The following RELL1 variants were observed in gnomAD, a reference collection of about 807,000 sequenced individuals.
RELL1 encodes the protein RELT like 1, also known as RELT-like protein 1.
RELL1 carries 10 observed loss-of-function variants against 23.0 expected under a neutral mutation model. The observed-to-expected ratio is 0.43, with a 90% CI of 0.27 to 0.74. RELL1 has a LOEUF of 0.74. RELL1 is among the 30% of genes least tolerant of loss of function. The probability of loss-of-function intolerance (pLI) is 0.19; values close to 1 mark genes in which losing one functional copy is unlikely to be tolerated. For missense variants in RELL1, 315 were observed against 364.4 expected (o/e 0.86, Z 1.10); for synonymous variants, 146 against 146.8 (o/e 0.99, Z 0.04).
intron 1 of RELL1, 49 bp downstream of exon 1, chr4:37,686,151 C>T: frequency 6.7e-7 from 1 of 1,493,800 alleles, no homozygotes; most frequent in Non-Finnish European, 9.0e-7. Flanking sequence ...TTCCGCGCTC[C>T]CGGGACCGGG....
rs769986626 is a variant in RELL1 at position 37,649,376 on chromosome 4, A to G, written c.213T>C (p.Gly71=). 6.2e-7 allele frequency: 1 copy of G among 1,614,206 alleles called. No homozygotes were observed. Among genetic ancestry groups the G allele is most frequent in the South Asian group, 1.1e-5 (1 of 91,084 alleles). ...GGTGGCAAATGAGGACGCCAAAGAGACCCATGATAAAGAACACAGGGACAA... is the reference window on the plus strand; with the variant it reads ...GGTGGCAAATGAGGACGCCAAAGAGGCCCATGATAAAGAACACAGGGACAA... ...YALVPVFFIM[G]LFGVLICHLL... is the part of the protein sequence containing the mutation. Residue 71 remains glycine, a synonymous_variant, in exon 2 of 7, where the codon GGT becomes GGC. Transcript: ENST00000454158.
intron 1 of RELL1, among the ~76,000 whole-genome samples, chr4:37,678,364 T>C (rs901568030): frequency 1.3e-5 from 2 of 152,226 alleles, no homozygotes; most frequent in Non-Finnish European, 1.5e-5. Context: ...GGGACAAATA[T>C]ACAGACTATA....
chr4:37,588,633 T>G (rs1331814991), downstream of RELL1: 3 of 516,074 alleles, frequency 5.8e-6, no homozygotes, highest in Non-Finnish European at 1.0e-5. Context: ...CAGAGGCAAG[T>G]GTCAGTGAAC....
intron 3 of RELL1, among the ~76,000 whole-genome samples, chr4:37,646,939 G>A (rs1413325402): frequency 6.6e-6 from 1 of 152,036 alleles, no homozygotes; most frequent in East Asian, 1.9e-4. Flanking sequence ...TGCCCAGGCT[G>A]GTCTTGAACT....
Position 37,590,930 on chromosome 4 carries a change from C to T in RELL1, c.*291G>A, listed in dbSNP as rs1268768457. ...GATGGGGAGATTGTGGACGAGGATG[C>T]AGCGGTGGCGGAGGCCCTTGCAGCT... On this transcript the variant is annotated 3_prime_UTR_variant, in exon 7 of 7. Coordinates refer to the RELL1 transcript ENST00000314117. 3.1e-6 allele frequency: 5 copies of T among 1,614,176 alleles called. No homozygotes were observed. In the South Asian group the frequency reaches 4.4e-5, roughly 14 times the overall value.
chr4:37,668,166 C>A (rs1452676794), intron 1 of RELL1, among the ~76,000 whole-genome samples: 1 of 151,738 alleles, frequency 6.6e-6, no homozygotes, highest in African/African-American at 2.4e-5. Context: ...AAATGTTTTT[C>A]AAAAAAGGGA....
At chr4:37,664,032 T>C (rs1406372383) in intron 1 of RELL1, among the ~76,000 whole-genome samples, 3 of 152,198 alleles carry the variant, frequency 2.0e-5, no homozygotes, top group African/African-American at 7.2e-5. Flanking sequence ...TGGCTTCATT[T>C]TTTAAAAACC....
rs58334461 is a variant in RELL1 at position 37,611,110 on chromosome 4, A to AAAGAAG, written c.*2235_*2236insCTTCTT. 6.6e-6 allele frequency among the ~76,000 whole-genome samples: 1 copy of AAAGAAG among 152,122 alleles called. No homozygotes were observed. Among genetic ancestry groups the AAAGAAG allele is most frequent in the African/African-American group, 2.4e-5 (1 of 41,390 alleles). ...TGCCTGTTGTATTGCTATTTAAAAA[A>AAAGAAG]AAGTGCTCTGACTTGAATAAGATGG... On this transcript the variant is annotated 3_prime_UTR_variant, in exon 7 of 7. Transcript: ENST00000454158.
chr4:37,615,776 T>C (rs954102701), intron 6 of RELL1, among the ~76,000 whole-genome samples: 8 of 152,154 alleles, frequency 5.3e-5, no homozygotes, highest in African/African-American at 1.7e-4. Context: ...GACTGATGGA[T>C]AAAAATTAAG....
intron 5 of RELL1, among the ~76,000 whole-genome samples, chr4:37,632,871 G>A (rs1720190138): frequency 6.6e-6 from 1 of 152,054 alleles, no homozygotes; most frequent in African/African-American, 2.4e-5. Flanking sequence ...TTCTAGTTCT[G>A]GTCTTAATTT....
At chr4:37,622,724 C>T (rs74357477) in intron 6 of RELL1, 8 of 438,800 alleles carry the variant, frequency 1.8e-5, no homozygotes, top group Non-Finnish European at 3.6e-5. Flanking sequence ...GTATGGTCTT[C>T]ATTGTCTGTC....
At chr4:37,590,527 A>G (rs1171871773), downstream of RELL1, 2 of 1,614,218 alleles carry the variant, frequency 1.2e-6, no homozygotes, top group Non-Finnish European at 8.5e-7. Flanking sequence ...GACCCAAGTC[A>G]TGAGAAATGG....
At chr4:37,596,729 TATATA>T (rs1469357293) in intron 6 of RELL1, among the ~76,000 whole-genome samples, 473 of 21,720 alleles carry the variant, frequency 0.022, 17 homozygotes, top group Non-Finnish European at 0.039. Flanking sequence ...TATATATATA[TATATA>T]TATTTTTTTT....
intron 3 of RELL1, among the ~76,000 whole-genome samples, chr4:37,644,545 G>C (rs182480701): frequency 0.017 from 2,615 of 150,868 alleles, 88 homozygotes; most frequent in African/African-American, 0.06. Flanking sequence ...GCTCACTGCA[G>C]CCTCTGCCTC....
chr4:37,633,226 T>C (rs1169533173), intron 5 of RELL1, among the ~76,000 whole-genome samples: 1 of 152,012 alleles, frequency 6.6e-6, no homozygotes, highest in African/African-American at 2.4e-5. Context: ...CTGGCCAACT[T>C]GGTGAAACCC....
chr4:37,601,520 T>G (rs1719015261), intron 6 of RELL1, among the ~76,000 whole-genome samples: 1 of 152,210 alleles, frequency 6.6e-6, no homozygotes, highest in South Asian at 2.1e-4. Flanking sequence ...GAATGCCAAA[T>G]CTGTGCTCTT....
intron 1 of RELL1, among the ~76,000 whole-genome samples, chr4:37,656,829 A>G (rs1355164364): frequency 6.6e-6 from 1 of 152,228 alleles, no homozygotes; most frequent in African/African-American, 2.4e-5. Context: ...GATGTCATGA[A>G]GCAGCAAGAG....
chr4:37,685,033 C>A (rs961404764), intron 1 of RELL1, among the ~76,000 whole-genome samples: 13 of 152,144 alleles, frequency 8.5e-5, no homozygotes, highest in Non-Finnish European at 4.4e-5. Context: ...GGATGGCTAA[C>A]GGAAATACGG....
chr4:37,673,680 C>T (rs1467235694), intron 1 of RELL1, among the ~76,000 whole-genome samples: 1 of 152,184 alleles, frequency 6.6e-6, no homozygotes, highest in East Asian at 1.9e-4. Flanking sequence ...CTACCACCTA[C>T]ACTTCTGCAG....
Sources: allele counts gnomAD v4.1 joint callset (sites outside exome capture counted in the v4.1 genomes callset), GRCh38; gene constraint gnomAD v4.1.1; transcripts MANE v1.5; gene names NCBI Gene and HGNC (gene_info 2026-07-23, HGNC 2026-07-21).